Variants in AIG1 observed in about 807,000 individuals in gnomAD.
AIG1 encodes the protein androgen induced 1, also known as androgen-induced gene 1 protein.
A neutral mutation model predicts 31.4 loss-of-function variants in AIG1; 23 were observed. That is an observed-to-expected ratio of 0.73 (90% confidence interval 0.53 to 1.04). The LOEUF (loss-of-function observed/expected upper bound fraction) is 1.04, where lower values mean the gene tolerates loss of function less well. Ranked by LOEUF, AIG1 falls within the 50% of genes least tolerant of loss-of-function variation. AIG1 has a pLI of 0.00. For missense variants in AIG1, 274 were observed against 295.0 expected, an observed-to-expected ratio of 0.93 and a Z score of 0.52; for synonymous variants, 100 against 110.5, an observed-to-expected ratio of 0.90 and a Z score of 0.60.
intron 3 of AIG1, among the ~76,000 whole-genome samples, chr6:143,216,688 C>A (rs1482857143): frequency 1.3e-5 from 2 of 152,200 alleles, no homozygotes; most frequent in Non-Finnish European, 2.9e-5. Context: ...TCCTTCCATG[C>A]AAACTCCAAC....
chr6:143,263,119 T>TC (rs1267554034), intron 3 of AIG1, among the ~76,000 whole-genome samples: 1 of 152,098 alleles, frequency 6.6e-6, no homozygotes, highest in Non-Finnish European at 1.5e-5. Context: ...TCACCTTTAC[T>TC]CCCCCCAGTT....
At chr6:143,286,724 A>G (rs1797702095) in intron 4 of AIG1, among the ~76,000 whole-genome samples, 1 of 152,138 alleles carries the variant, frequency 6.6e-6, no homozygotes, top group Non-Finnish European at 1.5e-5. Context: ...GTAAATTATA[A>G]AAGAAATAGA....
chr6:143,164,417 T>C (rs1786721302), intron 2 of AIG1, among the ~76,000 whole-genome samples: 1 of 152,202 alleles, frequency 6.6e-6, no homozygotes, highest in Non-Finnish European at 1.5e-5. Context: ...ATTATGTTGC[T>C]CTTGGGCCAA....
intron 3 of AIG1, among the ~76,000 whole-genome samples, chr6:143,277,722 C>A (rs1407487231): frequency 6.6e-6 from 1 of 152,168 alleles, no homozygotes; most frequent in African/African-American, 2.4e-5. Flanking sequence ...ACCTCACATA[C>A]AAAAGCTGGT....
intron 3 of AIG1, among the ~76,000 whole-genome samples, chr6:143,203,749 T>G (rs1447899889): frequency 6.6e-6 from 1 of 152,214 alleles, no homozygotes; most frequent in Admixed American, 6.5e-5. Context: ...TCCCTTGAGA[T>G]GCTGTATCAT....
chr6:143,197,214 T>G (rs542030452), intron 3 of AIG1, among the ~76,000 whole-genome samples: 1 of 152,166 alleles, frequency 6.6e-6, no homozygotes, highest in Non-Finnish European at 1.5e-5. Flanking sequence ...AATCCAAGGC[T>G]TTACTCTTTT....
intron 1 of AIG1, among the ~76,000 whole-genome samples, chr6:143,098,220 G>A (rs1489019787): frequency 6.6e-6 from 1 of 152,172 alleles, no homozygotes; most frequent in Non-Finnish European, 1.5e-5. Context: ...CTGCCCCAGT[G>A]AAGGAAGTCT....
intron 3 of AIG1, among the ~76,000 whole-genome samples, chr6:143,228,019 C>T (rs1793145140): frequency 6.6e-6 from 1 of 152,162 alleles, no homozygotes; most frequent in African/African-American, 2.4e-5. Flanking sequence ...AAGCCTGAAA[C>T]TCTTTCTTCA....
chr6:143,081,997 C>A (rs1778300845), intron 1 of AIG1, among the ~76,000 whole-genome samples: 1 of 152,132 alleles, frequency 6.6e-6, no homozygotes, highest in South Asian at 2.1e-4. Context: ...CAGTGTAAGA[C>A]TGCCATCTCT....
intron 1 of AIG1, among the ~76,000 whole-genome samples, chr6:143,119,704 G>A (rs2128499067): frequency 6.6e-6 from 1 of 152,310 alleles, no homozygotes; most frequent in African/African-American, 2.4e-5. Flanking sequence ...TTGGGAAGAA[G>A]CCTTCGTTCC....
At chr6:143,318,767 CAAAG>C (rs1775963659) in intron 4 of AIG1, among the ~76,000 whole-genome samples, 1 of 150,086 alleles carries the variant, frequency 6.7e-6, no homozygotes, top group African/African-American at 2.5e-5. Flanking sequence ...ACAAGAAACT[CAAAG>C]AAATCAGCAA....
At chr6:143,059,999 A>C (rs1776100450), upstream of AIG1, among the ~76,000 whole-genome samples, 1 of 152,226 alleles carries the variant, frequency 6.6e-6, no homozygotes, top group Admixed American at 6.5e-5. Flanking sequence ...CCAGTTTAAC[A>C]ACCAGATGAT....
At chr6:143,188,784 C>G in intron 3 of AIG1, 1 of 985,418 alleles carries the variant, frequency 1.0e-6, no homozygotes, top group Non-Finnish European at 1.2e-6. Context: ...AAACATACAT[C>G]TGTAAGACCA....
At chr6:143,199,817 TTAAGAG>T (rs1318475708) in intron 3 of AIG1, among the ~76,000 whole-genome samples, 2 of 152,292 alleles carry the variant, frequency 1.3e-5, no homozygotes, top group East Asian at 3.9e-4. Flanking sequence ...TAAATCTAAT[TTAAGAG>T]AAGTATACAA....
At chr6:143,337,214 G>A (rs1278736036) in intron 5 of AIG1, among the ~76,000 whole-genome samples, 1 of 152,192 alleles carries the variant, frequency 6.6e-6, no homozygotes, top group Non-Finnish European at 1.5e-5. Flanking sequence ...TTCAGTCCAT[G>A]CTGTCAATGT....
At chr6:143,315,118 A>ATGATG (rs1434333435) in intron 4 of AIG1, among the ~76,000 whole-genome samples, 4 of 152,126 alleles carry the variant, frequency 2.6e-5, no homozygotes, top group Non-Finnish European at 5.9e-5. Context: ...TATAAATAGA[A>ATGATG]TGATGTCTTT....
rs1336779813 is a variant in AIG1 at position 143,291,507 on chromosome 6, C to T, written c.515+7282C>T. Among the ~76,000 whole-genome samples, 1 of 152,194 alleles carries T rather than the reference C, an allele frequency of 6.6e-6. No homozygotes were observed. The highest frequency in any genetic ancestry group is 1.5e-5 in the Non-Finnish European group (1 of 68,042). ...GCAGAGGTGAGCACCTGGACTTCAG[C>T]CTCACAGCACTAATCAGTGGGAAGC... On this transcript the variant is annotated intron_variant, in intron 4 of 5. Transcript: ENST00000357847. This position sits in a 1 kb window ranked among gnomAD's most constrained non-coding sequence, Gnocchi z 4.2.
At chr6:143,159,869 T>C (rs1379799092) in intron 2 of AIG1, among the ~76,000 whole-genome samples, 1 of 152,194 alleles carries the variant, frequency 6.6e-6, no homozygotes, top group Non-Finnish European at 1.5e-5. Flanking sequence ...ATACTTTCTC[T>C]GTTTGCAAAG....
chr6:143,314,214 A>C (rs1224532196), intron 4 of AIG1, among the ~76,000 whole-genome samples: 5 of 143,814 alleles, frequency 3.5e-5, no homozygotes, highest in African/African-American at 1.3e-4. Context: ...AAAAAAAGTT[A>C]AAGTAGCTGA....
Sources: allele counts gnomAD v4.1 joint callset (sites outside exome capture counted in the v4.1 genomes callset), GRCh38; gene constraint gnomAD v4.1.1; non-coding constraint Gnocchi (gnomAD v3.1); transcripts MANE v1.5; gene names NCBI Gene and HGNC (gene_info 2026-07-23, HGNC 2026-07-21).